MYO9A: variants seen among roughly 807,000 people sequenced by gnomAD.
The protein encoded by MYO9A is myosin IXA, also known as unconventional myosin-IXa.
MYO9A carries 103 observed loss-of-function variants against 293.3 expected under a neutral mutation model. The ratio of observed to expected loss-of-function variants is 0.35; its 90% CI spans 0.30 to 0.41. The LOEUF (loss-of-function observed/expected upper bound fraction) is 0.41. MYO9A is among the 10% of genes least tolerant of loss of function. The pLI is 1.00. For missense variants in MYO9A, 2,685 were observed against 3,033.0 expected (o/e 0.89, Z 2.69); for synonymous variants, 1,001 against 1,035.7 (o/e 0.97, Z 0.64).
chr15:71,886,508 T>C (rs1436050197), intron 27 of MYO9A, among the ~76,000 whole-genome samples: 2 of 152,104 alleles, frequency 1.3e-5, no homozygotes, highest in Non-Finnish European at 2.9e-5. Flanking sequence ...CAATTGTATC[T>C]AGTAAACTCC....
chr15:71,842,720 C>T (rs766746969), intron 39 of MYO9A, among the ~76,000 whole-genome samples: 6 of 151,752 alleles, frequency 4.0e-5, no homozygotes, highest in East Asian at 2.0e-4. Context: ...ATCAGCCGGG[C>T]GTGGTGGCGG....
At chr15:72,004,841 T>C (rs1057464656) in intron 8 of MYO9A, among the ~76,000 whole-genome samples, 13 of 152,230 alleles carry the variant, frequency 8.5e-5, no homozygotes, top group African/African-American at 2.6e-4. Flanking sequence ...GAAAAGTAAA[T>C]AAATAAAGTT....
Position 71,897,657 on chromosome 15 carries a change from T to C in MYO9A, c.4846A>G (p.Thr1616Ala), listed in dbSNP as rs374395083. Residue 1616 changes from threonine (T) to alanine (A), a missense_variant, in exon 25 of 42, where the codon ACT (threonine) becomes GCT (alanine). Thr to Ala is a moderately conservative substitution (Grantham distance 58). Around this residue, in one of 10 missense-constraint regions of MYO9A, gnomAD observed 1,434 missense variants for 1,497.7 expected, o/e 0.96. Coordinates refer to ENST00000356056, the MANE Select transcript of MYO9A (RefSeq NM_006901.4). ...ERKGSPCQSSTVKELSKTDRM... is the reference protein window; with the variant it reads ...ERKGSPCQSSAVKELSKTDRM... ...TCTGTCTTGGATAATTCCTTGACAG[T>C]ACTAGATTGGCATGGACTTCCTTTT... The C allele has an allele frequency of 3.7e-6, 6 of 1,614,030 alleles. No homozygotes were observed. Among genetic ancestry groups the C allele is most frequent in the Non-Finnish European group, 5.1e-6 (6 of 1,180,016 alleles).
chr15:72,101,118 G>C (rs2080290419), intron 1 of MYO9A, among the ~76,000 whole-genome samples: 1 of 140,660 alleles, frequency 7.1e-6, no homozygotes, highest in African/African-American at 2.6e-5. Flanking sequence ...AGGGAGGTCG[G>C]GGCATCAGCC....
intron 3 of MYO9A, among the ~76,000 whole-genome samples, chr15:72,031,891 T>C (rs1186623163): frequency 6.6e-6 from 1 of 152,110 alleles, no homozygotes; most frequent in East Asian, 1.9e-4. Flanking sequence ...CCAACTTACT[T>C]GAAAACAACT....
chr15:72,030,932 G>C (rs935892662), intron 3 of MYO9A, among the ~76,000 whole-genome samples: 1 of 152,198 alleles, frequency 6.6e-6, no homozygotes, highest in Admixed American at 6.5e-5. Context: ...TGACCTGTTA[G>C]GAACCGGGCT....
At chr15:71,925,603 C>A (rs994776461) in intron 18 of MYO9A, among the ~76,000 whole-genome samples, 6 of 150,576 alleles carry the variant, frequency 4.0e-5, no homozygotes, top group African/African-American at 1.5e-4. Flanking sequence ...ATTTTAAAAT[C>A]TTGTATTTAT....
intron 3 of MYO9A, among the ~76,000 whole-genome samples, chr15:72,030,329 T>C (rs1406568488): frequency 6.6e-6 from 1 of 152,188 alleles, no homozygotes; most frequent in East Asian, 1.9e-4. Flanking sequence ...ATCACACAGC[T>C]AGTAAAAAGC....
chr15:72,027,813 G>A lies in MYO9A; in HGVS notation c.936-20C>T. 2 of 1,551,326 alleles carry A rather than the reference G, an allele frequency of 1.3e-6. No individual in the cohort carries two copies. The highest frequency in any genetic ancestry group is 1.2e-5 in the South Asian group (1 of 86,508). On this transcript the variant is annotated intron_variant, in intron 3 of 41. Coordinates refer to ENST00000356056, the MANE Select transcript of MYO9A (RefSeq NM_006901.4). ...TAGGCACTACAAGAAAAATTAAATT[G>A]GTTGATATAAATAATAAAGTTTAAT...
At chr15:71,851,214 GAA>G in intron 37 of MYO9A, 37 bp downstream of exon 37, 3 of 1,451,014 alleles carry the variant, frequency 2.1e-6, no homozygotes, top group Non-Finnish European at 2.9e-6. Flanking sequence ...TAATCCAAGA[GAA>G]ACTATTAAAA....
chr15:72,111,442 T>C (rs1596607303), intron 1 of MYO9A, among the ~76,000 whole-genome samples: 5 of 151,080 alleles, frequency 3.3e-5, no homozygotes, highest in East Asian at 2.0e-4. Flanking sequence ...TGAGCCGAGA[T>C]TGCGCCACTG....
chr15:71,933,730 T>G, intron 17 of MYO9A, 21 bp from the exon 18 acceptor site: 4 of 1,586,336 alleles, frequency 2.5e-6, no homozygotes. Flanking sequence ...AAATCATTCA[T>G]TAAAAAAAGC....
intron 2 of MYO9A, chr15:72,040,410 G>T (rs1381083875): frequency 1.3e-5 from 2 of 152,268 alleles, no homozygotes; most frequent in Non-Finnish European, 2.9e-5. Context: ...CATTTGCAGG[G>T]GGGAGGAGCC....
intron 15 of MYO9A, among the ~76,000 whole-genome samples, chr15:71,942,017 AATAT>A (rs912334257): frequency 7.2e-5 from 11 of 152,076 alleles, no homozygotes; most frequent in African/African-American, 2.7e-4. Context: ...TAGCTCTAAC[AATAT>A]ATATAATTCT....
intron 13 of MYO9A, 143 bp downstream of exon 13, chr15:71,967,839 ATC>A: frequency 1.3e-6 from 1 of 788,996 alleles, no homozygotes; most frequent in Non-Finnish European, 1.8e-6. Context: ...GAAAAGCAGA[ATC>A]TAAGTTTTAG....
At chr15:72,090,804 A>T (rs755782392) in intron 1 of MYO9A, among the ~76,000 whole-genome samples, 44 of 152,048 alleles carry the variant, frequency 2.9e-4, no homozygotes, top group Non-Finnish European at 6.3e-4. Flanking sequence ...ATTCTTTTTT[A>T]AAAAAACTCC....
At chr15:71,956,310 TAAAAAAAAA>T (rs869151550) in intron 14 of MYO9A, among the ~76,000 whole-genome samples, 2 of 36,766 alleles carry the variant, frequency 5.4e-5, no homozygotes, top group Admixed American at 6.1e-4. Flanking sequence ...ACCCGGCTCT[TAAAAAAAAA>T]AAAAAAAAAA....
chr15:72,062,898 T>G (rs145160785), intron 1 of MYO9A, among the ~76,000 whole-genome samples: 1 of 152,240 alleles, frequency 6.6e-6, no homozygotes, highest in African/African-American at 2.4e-5. Flanking sequence ...GGCACAAGCT[T>G]GTGGTCCCAG....
chr15:72,009,535 G>A (rs2077113551), intron 7 of MYO9A, among the ~76,000 whole-genome samples: 4 of 151,098 alleles, frequency 2.6e-5, no homozygotes, highest in African/African-American at 7.4e-5. Context: ...GACCAGCATA[G>A]GCAACATGGC....
Sources: gnomAD v4.1 joint callset for allele counts (sites outside exome capture counted in the v4.1 genomes callset) on GRCh38, gnomAD v4.1.1 for gene constraint, gnomAD v4.1.1 regional missense constraint, MANE v1.5 for transcripts, NCBI Gene and HGNC (gene_info 2026-07-23, HGNC 2026-07-21) for gene names.